ALPK3: variants seen among roughly 807,000 people sequenced by gnomAD.
ALPK3 encodes alpha kinase 3, also known as alpha-protein kinase 3.
In ALPK3, 102 loss-of-function variants were observed where a neutral mutation model predicts 140.0. The ratio of observed to expected loss-of-function variants is 0.73; its 90% CI spans 0.62 to 0.86. The LOEUF is 0.86. Among genes scored for constraint, ALPK3 ranks in the 40% least tolerant of loss-of-function variants. The pLI, the probability that ALPK3 is intolerant of heterozygous loss-of-function variation, is 0.00. For synonymous variants in ALPK3, 938 were observed against 898.5 expected (o/e 1.04, Z -0.79); for missense variants, 2,254 against 2,208.2 (o/e 1.02, Z -0.42).
intron 12 of ALPK3, 55 bp downstream of exon 12, chr15:84,864,720 A>G (rs1963985438): frequency 6.4e-7 from 1 of 1,562,288 alleles, no homozygotes; most frequent in Admixed American, 1.7e-5. Context: ...GAAAGCATGC[A>G]GAGGAGGCAA....
chr15:84,856,549 C>G lies in ALPK3; in HGVS notation c.1811C>G (p.Thr604Ser). 1 of 1,614,098 alleles carries G rather than the reference C, an allele frequency of 6.2e-7. No individual in the cohort carries two copies. Among genetic ancestry groups the G allele is most frequent in the Middle Eastern group, 1.6e-4 (1 of 6,062 alleles). The change falls in exon 6 of 14, where the codon ACT (threonine) becomes AGT (serine). Residue 604 changes from threonine to serine, a missense_variant. This residue lies in a region of ALPK3 where 2,088 missense variants were observed against 2,022.9 expected (regional missense o/e 1.03). Coordinates refer to ENST00000258888, the MANE Select transcript of ALPK3 (RefSeq NM_020778.5). ...EDGRTSANQRTGSKKNVQADG... is the reference protein window; with the variant it reads ...EDGRTSANQRSGSKKNVQADG... Reference sequence around the variant, plus strand: ...GGGAGAACATCTGCTAACCAGAGAACTGGAAGCAAGAAGAATGTGCAGGCA... The same window carrying G: ...GGGAGAACATCTGCTAACCAGAGAAGTGGAAGCAAGAAGAATGTGCAGGCA...
Position 84,857,283 on chromosome 15 carries a change from T to C in ALPK3, c.2545T>C (p.Cys849Arg). Residue 849 changes from cysteine (C) to arginine (R), a missense_variant, in exon 6 of 14, where the codon TGT (cysteine) becomes CGT (arginine). This residue lies in a region of ALPK3 where 2,088 missense variants were observed against 2,022.9 expected (regional missense o/e 1.03). Transcript: ENST00000258888. ...GGAGGAGCGGCCAGGGGGAGTGCCG[T>C]GTATGGATCAGGGTGGCTGTCCTCT... ...PKEERPGGVP[C>R]MDQGGCPLAG... 1 of 1,613,840 alleles carries C rather than the reference T, an allele frequency of 6.2e-7. No homozygotes were observed. The highest frequency in any genetic ancestry group is 8.5e-7 in the Non-Finnish European group (1 of 1,179,928).
chr15:84,843,957 A>C (rs1043224896), intron 5 of ALPK3, among the ~76,000 whole-genome samples: 1 of 152,126 alleles, frequency 6.6e-6, no homozygotes, highest in Non-Finnish European at 1.5e-5. Flanking sequence ...TAGGCCAGGC[A>C]TGGTGGCTCA....
intron 5 of ALPK3, among the ~76,000 whole-genome samples, chr15:84,845,692 A>C (rs1451096156): frequency 1.3e-5 from 2 of 152,204 alleles, no homozygotes; most frequent in Non-Finnish European, 2.9e-5. Context: ...AAACTTCGAG[A>C]ATAAAAACAC....
intron 5 of ALPK3, among the ~76,000 whole-genome samples, chr15:84,850,239 C>G (rs981096927): frequency 2.0e-5 from 3 of 152,202 alleles, no homozygotes; most frequent in East Asian, 1.9e-4. Flanking sequence ...GTCCCTTGCT[C>G]TTCCAAACCA....
At chr15:84,837,332 G>T (rs536606393) in intron 3 of ALPK3, among the ~76,000 whole-genome samples, 2 of 152,334 alleles carry the variant, frequency 1.3e-5, no homozygotes, top group East Asian at 3.9e-4. Flanking sequence ...AATTGCTGGA[G>T]AAATGTCCTT....
chr15:84,826,880 C>G (rs181864559), intron 2 of ALPK3, among the ~76,000 whole-genome samples: 3 of 152,266 alleles, frequency 2.0e-5, no homozygotes, highest in Non-Finnish European at 4.4e-5. Flanking sequence ...TTTCTGATAC[C>G]CTTATGAATT....
rs1484997648 is a variant in ALPK3 at position 84,840,222 on chromosome 15, A to C, written c.943A>C (p.Lys315Gln). ...QRALKEESGAKKKKKDEESKQ... is the reference protein window; with the variant it reads ...QRALKEESGAQKKKKDEESKQ... ...AGCCCTCAAAGAGGAGAGTGGGGCCAAGAAGAAAAAGAAAGATGAGGAATC... is the reference window on the plus strand; with the variant it reads ...AGCCCTCAAAGAGGAGAGTGGGGCCCAGAAGAAAAAGAAAGATGAGGAATC... The change falls in exon 5 of 14, where the codon AAG (lysine) becomes CAG (glutamine). Residue 315 changes from lysine to glutamine, a missense_variant. Lys to Gln is a moderately conservative substitution (Grantham distance 53, BLOSUM62 1). Transcript: ENST00000258888. 6.2e-7 allele frequency: 1 copy of C among 1,613,844 alleles called. No homozygotes were observed. Among genetic ancestry groups the C allele is most frequent in the South Asian group, 1.1e-5 (1 of 91,082 alleles).
chr15:84,847,878 G>T (rs1378907812), intron 5 of ALPK3, among the ~76,000 whole-genome samples: 2 of 151,932 alleles, frequency 1.3e-5, no homozygotes, highest in African/African-American at 4.8e-5. Flanking sequence ...GACCAACATG[G>T]TGAAACCTTG....
chr15:84,824,081 C>T (rs1243079140), intron 2 of ALPK3, among the ~76,000 whole-genome samples: 3 of 152,196 alleles, frequency 2.0e-5, no homozygotes, highest in African/African-American at 7.2e-5. Flanking sequence ...CTTCTTCTAA[C>T]CATGGTAACT....
chr15:84,837,060 G>A (rs1287233282), intron 3 of ALPK3, among the ~76,000 whole-genome samples: 1 of 152,226 alleles, frequency 6.6e-6, no homozygotes, highest in African/African-American at 2.4e-5. Context: ...CAAGTCATGG[G>A]TGACTGACAA....
At position 84,868,202 on chromosome 15, in the gene ALPK3, C is replaced by T. The variant is rs1282321778; in HGVS notation, c.4864C>T (p.Leu1622=). ...CAATGCCTACTGTGAGCTGCTGGGGCTGACACCTCTCAAGGGCCCGGAGGC... is the reference window on the plus strand; with the variant it reads ...CAATGCCTACTGTGAGCTGCTGGGGTTGACACCTCTCAAGGGCCCGGAGGC... The part of the protein sequence containing the change: ...QCNAYCELLG[L]TPLKGPEAAH... Residue 1622 remains leucine, a synonymous_variant, in exon 14 of 14, where the codon CTG becomes TTG. Coordinates refer to ENST00000258888, the MANE Select transcript of ALPK3 (RefSeq NM_020778.5). The T allele has an allele frequency of 1.9e-6, 3 of 1,614,184 alleles. No individual in the cohort carries two copies. The highest frequency in any genetic ancestry group is 2.5e-6 in the Non-Finnish European group (3 of 1,180,028).
intron 1 of ALPK3, among the ~76,000 whole-genome samples, chr15:84,821,871 G>A (rs941974460): frequency 6.6e-6 from 1 of 152,188 alleles, no homozygotes; most frequent in African/African-American, 2.4e-5. Flanking sequence ...TAGGAGGGAG[G>A]AAGGACTTTC....
intron 5 of ALPK3, among the ~76,000 whole-genome samples, chr15:84,845,487 C>G (rs1330363852): frequency 6.6e-6 from 1 of 151,842 alleles, no homozygotes; most frequent in African/African-American, 2.4e-5. Context: ...GGCCAGAAGA[C>G]TGAAAAAGGG....
intron 5 of ALPK3, among the ~76,000 whole-genome samples, chr15:84,848,091 T>A (rs550775584): frequency 1.3e-5 from 2 of 151,500 alleles, no homozygotes; most frequent in Admixed American, 1.3e-4. Context: ...GAAAAAGAAT[T>A]GCTAAAGTAA....
In ALPK3 at chr15:84,854,261, G is replaced by A. The variant is rs928866124; in HGVS notation, c.1654-2131G>A. 5.3e-4 allele frequency among the ~76,000 whole-genome samples: 66 copies of A among 123,634 alleles called. 3 individuals carry two copies. Among genetic ancestry groups the A allele is most frequent in the African/African-American group, 1.9e-3 (64 of 34,594 alleles). The allele number at this position is 123,634 out of a possible 152,430, so 81.1% of individuals were successfully genotyped here. A position where few individuals can be genotyped will look rare whatever the true frequency, so the allele number is the denominator to read the frequency against. On this transcript the variant is annotated intron_variant, in intron 5 of 13. Transcript: ENST00000258888. ...ATTTTTAATGATGAAAAATGATACAGTGTTTTCACTTCTTCTCTGCATTTT... is the reference window on the plus strand; with the variant it reads ...ATTTTTAATGATGAAAAATGATACAATGTTTTCACTTCTTCTCTGCATTTT...
Position 84,858,203 on chromosome 15 carries a change from A to C in ALPK3, c.3465A>C (p.Thr1155=). The C allele has an allele frequency of 6.2e-7, 1 of 1,612,500 alleles. No homozygotes were observed. The highest frequency in any genetic ancestry group is 1.1e-5 in the South Asian group (1 of 90,832). The change falls in exon 6 of 14, where the codon ACA becomes ACC. Residue 1155 remains threonine, a synonymous_variant. Transcript: ENST00000258888. ...CTCTGACAGGTCTCCCGGCAGCTAC[A>C]CCTGAGGAACTGGCTCTAGGGGCCC... ...GEALTGLPAA[T]PEELALGARR...
intron 2 of ALPK3, among the ~76,000 whole-genome samples, chr15:84,826,146 A>G (rs1963486042): frequency 6.6e-6 from 1 of 152,144 alleles, no homozygotes. Context: ...GATTCCAGAT[A>G]TTCTCTGGGG....
Position 84,840,037 on chromosome 15 carries a change from GA to G in ALPK3, c.759del (p.Glu254ArgfsTer12). Reference sequence around the variant, plus strand: ...GGGACCCTGGCGGCTTGGCAGGAGGGAGAGACTGAGACTGCTCAGCACTCAG... The same window carrying G: ...GGGACCCTGGCGGCTTGGCAGGAGGGGAGACTGAGACTGCTCAGCACTCAG... Reference protein sequence around the residue: ...EGGTLAAWQEGETETAQHSGL... With the variant: ...EGGTLAAWQEXETETAQHSGL... On this transcript the variant is annotated frameshift_variant, in exon 5 of 14. Transcript: ENST00000258888. LOFTEE classifies it high-confidence loss of function. 6.2e-7 allele frequency: 1 copy of G among 1,614,058 alleles called. No individual in the cohort carries two copies. The highest frequency in any genetic ancestry group is 8.5e-7 in the Non-Finnish European group (1 of 1,179,986).
Sources: allele counts gnomAD v4.1 joint callset (sites outside exome capture counted in the v4.1 genomes callset), GRCh38; gene constraint gnomAD v4.1.1; regional missense constraint gnomAD v4.1.1; transcripts MANE v1.5; gene names NCBI Gene and HGNC (gene_info 2026-07-23, HGNC 2026-07-21).